Variants in PDE4B observed in about 807,000 individuals in gnomAD.
The protein encoded by PDE4B is phosphodiesterase 4B, also known as 3',5'-cyclic-AMP phosphodiesterase 4B.
In PDE4B, 20 loss-of-function variants were observed where a neutral mutation model predicts 82.2. The observed-to-expected ratio is 0.24, with a 90% CI of 0.17 to 0.35. The LOEUF (loss-of-function observed/expected upper bound fraction) is 0.35. Ranked by LOEUF, PDE4B falls within the 10% of genes least tolerant of loss-of-function variation. The pLI, the probability that PDE4B is intolerant of heterozygous loss-of-function variation, is 1.00. For missense variants in PDE4B, 655 were observed against 907.2 expected (o/e 0.72, Z 3.57); for synonymous variants, 320 against 318.9 (o/e 1.00, Z -0.04).
At position 65,953,891 on chromosome 1, in the gene PDE4B, C is replaced by A. The variant is rs563973000; in HGVS notation, c.281+35056C>A. ...TAAAATAAAGAATAAAATAAAGATACAATTTATTATTATTATTTTCTGTTT... is the reference window on the plus strand; with the variant it reads ...TAAAATAAAGAATAAAATAAAGATAAAATTTATTATTATTATTTTCTGTTT... On this transcript the variant is annotated intron_variant, in intron 3 of 16. Transcript: ENST00000341517. Among the ~76,000 whole-genome samples, 8 of 151,754 alleles carry A rather than the reference C, an allele frequency of 5.3e-5. No individual in the cohort carries two copies. In the East Asian group the frequency reaches 7.8e-4, roughly 15 times the overall value.
At chr1:65,827,297 C>T (rs1646030414) in intron 1 of PDE4B, among the ~76,000 whole-genome samples, 1 of 151,806 alleles carries the variant, frequency 6.6e-6, no homozygotes, top group African/African-American at 2.4e-5. Context: ...TGAAAAGACA[C>T]AAATCAGAGC....
chr1:66,223,107 A>G (rs140523254), intron 3 of PDE4B, among the ~76,000 whole-genome samples: 34 of 152,314 alleles, frequency 2.2e-4, no homozygotes, highest in African/African-American at 7.7e-4. Flanking sequence ...AAATTCAGCA[A>G]TAAGCAAAAA....
chr1:65,879,114 C>T (rs558847813), intron 1 of PDE4B, among the ~76,000 whole-genome samples: 2 of 152,202 alleles, frequency 1.3e-5, no homozygotes, highest in African/African-American at 2.4e-5. Flanking sequence ...ACCCTCTAGA[C>T]TCCCACTGGT....
intron 7 of PDE4B, among the ~76,000 whole-genome samples, chr1:66,281,243 A>G (rs537085099): frequency 9.8e-5 from 15 of 152,350 alleles, no homozygotes; most frequent in African/African-American, 3.4e-4. Flanking sequence ...TGGATTACTT[A>G]TTGCCCCACT....
At chr1:66,304,589 C>T (rs1413136369) in intron 7 of PDE4B, among the ~76,000 whole-genome samples, 2 of 152,038 alleles carry the variant, frequency 1.3e-5, no homozygotes, top group African/African-American at 4.8e-5. Flanking sequence ...TCTACTTAGT[C>T]CAATTCTACC....
chr1:66,078,353 C>T (rs770219994), intron 3 of PDE4B, among the ~76,000 whole-genome samples: 13 of 151,944 alleles, frequency 8.6e-5, no homozygotes, highest in Non-Finnish European at 1.5e-4. Flanking sequence ...CATGTCACCA[C>T]GCCTGGCTAA....
intron 3 of PDE4B, among the ~76,000 whole-genome samples, chr1:66,174,355 T>C (rs534929293): frequency 8.5e-5 from 13 of 152,370 alleles, no homozygotes; most frequent in Non-Finnish European, 1.9e-4. Flanking sequence ...TACATGATTC[T>C]CTAAAGCAAG....
At chr1:65,919,252 A>G (rs1259967355) in intron 3 of PDE4B, among the ~76,000 whole-genome samples, 4 of 152,206 alleles carry the variant, frequency 2.6e-5, no homozygotes, top group African/African-American at 9.7e-5. Context: ...ATTTATTATC[A>G]TCCTACTTTA....
chr1:66,226,858 C>T (rs1651494468), intron 3 of PDE4B, among the ~76,000 whole-genome samples: 1 of 151,802 alleles, frequency 6.6e-6, no homozygotes, highest in African/African-American at 2.4e-5. Flanking sequence ...AGAATGGAAA[C>T]AAGAAGATCA....
intron 3 of PDE4B, among the ~76,000 whole-genome samples, chr1:66,131,524 T>A (rs895733410): frequency 6.4e-5 from 9 of 141,102 alleles, no homozygotes; most frequent in Admixed American, 2.2e-4. Context: ...ATATGTTGGC[T>A]ATGAAAATGG....
intron 3 of PDE4B, among the ~76,000 whole-genome samples, chr1:65,974,078 G>A (rs1344075231): frequency 2.6e-5 from 4 of 152,108 alleles, no homozygotes; most frequent in Non-Finnish European, 5.9e-5. Context: ...CTCCCAAAGT[G>A]CTGGAATTAC....
chr1:66,339,005 C>T lies in PDE4B; in HGVS notation c.747+6385C>T, dbSNP rs528010011. On this transcript the variant is annotated intron_variant, in intron 8 of 16. Coordinates refer to ENST00000341517, the MANE Select transcript of PDE4B (RefSeq NM_002600.4). ...CTGCACTCCAGCCTGGGCGACAGAG[C>T]GAGACTCCGTCTCAAAAAAAAAAAA... Among the ~76,000 whole-genome samples, 251 of 131,608 alleles carry T rather than the reference C, an allele frequency of 1.9e-3. 2 individuals are homozygous for T. The highest frequency in any genetic ancestry group is 5.2e-3 in the Admixed American group (62 of 11,940). The allele number at this position is 131,608 out of a possible 152,430, so 86.3% of individuals were successfully genotyped here. A position where few individuals can be genotyped will look rare whatever the true frequency, so the allele number is the denominator to read the frequency against.
intron 3 of PDE4B, among the ~76,000 whole-genome samples, chr1:66,165,800 G>T (rs1469832755): frequency 6.6e-6 from 1 of 152,050 alleles, no homozygotes; most frequent in Non-Finnish European, 1.5e-5. Flanking sequence ...CAAATTTTAA[G>T]ATGGTATTAC....
At position 66,070,244 on chromosome 1, in the gene PDE4B, AT is replaced by A. The variant is rs139871425; in HGVS notation, c.281+151418del. On this transcript the variant is annotated intron_variant, in intron 3 of 16. Transcript: ENST00000341517. ...TAGATTGATTAATGTGTCTATATGC[AT>A]TTTTTTTTCCTCAGGAGAAAAAGGT... 1.8e-3 allele frequency among the ~76,000 whole-genome samples: 268 copies of A among 151,294 alleles called. 1 individual carries two copies. The highest frequency in any genetic ancestry group is 6.2e-3 in the African/African-American group (254 of 41,296).
In PDE4B at chr1:66,350,325, C is replaced by T. The variant is rs990677730; in HGVS notation, c.748-5202C>T. On this transcript the variant is annotated intron_variant, in intron 8 of 16. Coordinates refer to ENST00000341517, the MANE Select transcript of PDE4B (RefSeq NM_002600.4). ...TCTCACAGCTGGGCTCCTGCGTAGA[C>T]GGCCACCCACAAGAGTAACTAACTG... 1.3e-4 allele frequency among the ~76,000 whole-genome samples: 20 copies of T among 152,130 alleles called. 1 individual carries two copies. Among genetic ancestry groups the T allele is most frequent in the South Asian group, 6.2e-4 (3 of 4,828 alleles).
At chr1:66,199,957 T>A (rs978480500) in intron 3 of PDE4B, among the ~76,000 whole-genome samples, 1 of 152,170 alleles carries the variant, frequency 6.6e-6, no homozygotes, top group Non-Finnish European at 1.5e-5. Context: ...TAGGTTTTCT[T>A]CTAGGGTTTT....
At chr1:65,919,761 A>G (rs1411794618) in intron 3 of PDE4B, among the ~76,000 whole-genome samples, 2 of 152,172 alleles carry the variant, frequency 1.3e-5, no homozygotes, top group Admixed American at 6.5e-5. Flanking sequence ...GCTCTGCCAC[A>G]TGCTGAGCTC....
At chr1:66,105,656 G>A (rs564869341) in intron 3 of PDE4B, among the ~76,000 whole-genome samples, 1,944 of 151,952 alleles carry the variant, frequency 0.013, 43 homozygotes, top group African/African-American at 0.044. Context: ...AGTCCTTCAC[G>A]TCCCTTGTAA....
At chr1:65,990,529 C>G (rs1368726952) in intron 3 of PDE4B, among the ~76,000 whole-genome samples, 1 of 152,050 alleles carries the variant, frequency 6.6e-6, no homozygotes. Context: ...GCTTTGTTTT[C>G]ATAATTCAGC....
Sources: allele counts gnomAD v4.1 joint callset (sites outside exome capture counted in the v4.1 genomes callset), GRCh38; gene constraint gnomAD v4.1.1; transcripts MANE v1.5; gene names NCBI Gene and HGNC (gene_info 2026-07-23, HGNC 2026-07-21).